Variants in BAIAP2L1 observed in about 807,000 individuals in gnomAD.
The protein encoded by BAIAP2L1 is BAR/IMD domain-containing adapter protein 2-like 1.
In BAIAP2L1, 35 loss-of-function variants were observed where a neutral mutation model predicts 66.3. That is an observed-to-expected ratio of 0.53 (90% CI 0.40 to 0.70). BAIAP2L1 has a LOEUF of 0.70. BAIAP2L1 is among the 30% of genes least tolerant of loss of function. BAIAP2L1 has a pLI of 0.00. For synonymous variants in BAIAP2L1, 269 were observed against 248.7 expected (o/e 1.08, Z -0.77); for missense variants, 622 against 656.9 (o/e 0.95, Z 0.58).
In BAIAP2L1 at chr7:98,315,625, A is replaced by AAAT. The variant is rs35160105; in HGVS notation, c.487-16_487-14dup. The AAAT allele has an allele frequency of 8.0e-5, 91 of 1,131,206 alleles. 1 individual carries two copies. The highest frequency in any genetic ancestry group is 2.6e-4 in the Admixed American group (8 of 30,800). 70.1% of individuals were successfully genotyped at this position (1,131,206 alleles called of 1,614,324 possible). A position where few individuals can be genotyped will look rare whatever the true frequency, so the allele number is the denominator to read the frequency against. On this transcript the variant is annotated splice_polypyrimidine_tract_variant and intron_variant, in intron 6 of 13. Transcript: ENST00000005260. ...CGGTCTCCACATACTAAAAAAAAAA[A>AAAT]AATAATAATAATAATAATTATATAA...
chr7:98,335,177 AAAT>A (rs1187755319), intron 3 of BAIAP2L1, among the ~76,000 whole-genome samples: 1,763 of 67,042 alleles, frequency 0.026, 107 homozygotes, highest in Middle Eastern at 0.044. Flanking sequence ...AAAAAAAAAA[AAAT>A]TTATCTCCCA....
intron 7 of BAIAP2L1, among the ~76,000 whole-genome samples, chr7:98,314,569 G>C (rs536857248): frequency 1.3e-5 from 2 of 152,298 alleles, no homozygotes; most frequent in African/African-American, 4.8e-5. Context: ...CTGGGGGTTC[G>C]AACCTCACAG....
chr7:98,321,161 C>T (rs1359722570), intron 3 of BAIAP2L1, among the ~76,000 whole-genome samples: 6 of 152,178 alleles, frequency 3.9e-5, no homozygotes, highest in South Asian at 2.1e-4. Context: ...ACCTGGCCCA[C>T]GTGGCCCTTT....
chr7:98,384,678 G>A (rs1019831899), intron 1 of BAIAP2L1, among the ~76,000 whole-genome samples: 1 of 142,826 alleles, frequency 7.0e-6, no homozygotes, highest in Non-Finnish European at 1.5e-5. Flanking sequence ...GACTCTGTGA[G>A]ACAGATCATT....
chr7:98,356,972 G>C (rs1232866825), intron 2 of BAIAP2L1, among the ~76,000 whole-genome samples: 2 of 109,050 alleles, frequency 1.8e-5, no homozygotes, highest in Non-Finnish European at 3.4e-5. Flanking sequence ...CTCCAGCGTG[G>C]GCAAGAGTGA....
chr7:98,346,602 T>G (rs1801876951), intron 3 of BAIAP2L1, among the ~76,000 whole-genome samples: 1 of 152,194 alleles, frequency 6.6e-6, no homozygotes, highest in African/African-American at 2.4e-5. Flanking sequence ...CTTATGCGAC[T>G]AGATACCAAG....
At chr7:98,360,926 C>G (rs908001023) in intron 2 of BAIAP2L1, among the ~76,000 whole-genome samples, 3 of 152,192 alleles carry the variant, frequency 2.0e-5, no homozygotes, top group African/African-American at 7.2e-5. Flanking sequence ...CCAGCGACTA[C>G]ACACAATGGT....
chr7:98,292,291 G>A lies in BAIAP2L1; in HGVS notation c.*1230C>T, dbSNP rs1187268785. On this transcript the variant is annotated 3_prime_UTR_variant, in exon 14 of 14. Coordinates refer to ENST00000005260, the MANE Select transcript of BAIAP2L1 (RefSeq NM_018842.5). ...GGGCTGGAGTGCAGCAGCATGATCT[G>A]GCTCACTGCAACCTCTGCCTCCCGG... 5 of 315,986 alleles carry A rather than the reference G, an allele frequency of 1.6e-5. No homozygotes were observed. Among genetic ancestry groups the A allele is most frequent in the Non-Finnish European group, 2.4e-5 (4 of 163,978 alleles). The allele number at this position is 315,986 out of a possible 1,614,324, so 19.6% of individuals were successfully genotyped here. A position where few individuals can be genotyped will look rare whatever the true frequency, so the allele number is the denominator to read the frequency against.
At chr7:98,394,343 A>C (rs1803149864) in intron 1 of BAIAP2L1, among the ~76,000 whole-genome samples, 1 of 152,178 alleles carries the variant, frequency 6.6e-6, no homozygotes, top group African/African-American at 2.4e-5. Flanking sequence ...ACTTCAGTTT[A>C]TGTCTTCCTC....
chr7:98,292,712 A>C lies in BAIAP2L1; in HGVS notation c.*809T>G. The stretch of plus-strand genomic sequence containing the variant: ...CTGATTCAAACACGGAGAAACCAGG[A>C]CCCCGAGCAGTTTGAGTGTACTGGT... On this transcript the variant is annotated 3_prime_UTR_variant, in exon 14 of 14. Coordinates refer to ENST00000005260, the MANE Select transcript of BAIAP2L1 (RefSeq NM_018842.5). 6.4e-7 allele frequency: 1 copy of C among 1,551,512 alleles called. No individual in the cohort carries two copies.
At chr7:98,344,402 T>A (rs957461560) in intron 3 of BAIAP2L1, among the ~76,000 whole-genome samples, 2 of 152,230 alleles carry the variant, frequency 1.3e-5, no homozygotes, top group Non-Finnish European at 2.9e-5. Flanking sequence ...TATTTTTCTA[T>A]CACTTTCAAA....
chr7:98,366,879 T>TC (rs1802399379), intron 1 of BAIAP2L1, among the ~76,000 whole-genome samples: 1 of 152,098 alleles, frequency 6.6e-6, no homozygotes, highest in East Asian at 1.9e-4. Flanking sequence ...CTCCATCCCT[T>TC]CTTCCCTCCT....
At chr7:98,356,834 A>G (rs13307593) in intron 2 of BAIAP2L1, among the ~76,000 whole-genome samples, 55,071 of 144,848 alleles carry the variant, frequency 0.38, 12,005 homozygotes, top group Middle Eastern at 0.54. Flanking sequence ...ACAAACAAAA[A>G]AAACTAGCCA....
At chr7:98,391,091 C>T (rs1465183299) in intron 1 of BAIAP2L1, among the ~76,000 whole-genome samples, 2 of 151,614 alleles carry the variant, frequency 1.3e-5, no homozygotes, top group Non-Finnish European at 2.9e-5. Context: ...ATCTGCCCGC[C>T]TCGGCCTCCC....
chr7:98,339,527 A>AC (rs1368833168), intron 3 of BAIAP2L1, among the ~76,000 whole-genome samples: 2 of 151,796 alleles, frequency 1.3e-5, no homozygotes, highest in East Asian at 3.9e-4. Context: ...GAAGACTCTA[A>AC]CCCCCCACCA....
At chr7:98,347,501 C>A (rs543193887) in intron 3 of BAIAP2L1, among the ~76,000 whole-genome samples, 8 of 152,106 alleles carry the variant, frequency 5.3e-5, no homozygotes, top group Non-Finnish European at 1.2e-4. Flanking sequence ...AAAGGCCAGG[C>A]GCAGTGGCTC....
chr7:98,309,533 A>T (rs1800794970), intron 9 of BAIAP2L1: 1 of 152,194 alleles, frequency 6.6e-6, no homozygotes, highest in Non-Finnish European at 1.5e-5. Flanking sequence ...AGTATTACAT[A>T]CTTTAACTGT....
At chr7:98,382,521 C>A (rs1802782940) in intron 1 of BAIAP2L1, among the ~76,000 whole-genome samples, 1 of 152,114 alleles carries the variant, frequency 6.6e-6, no homozygotes, top group Non-Finnish European at 1.5e-5. Flanking sequence ...AAATTTCATT[C>A]TATTTTAATT....
In BAIAP2L1 at chr7:98,389,124, T is replaced by C. The variant is rs544745671; in HGVS notation, c.51+11678A>G. On this transcript the variant is annotated intron_variant, in intron 1 of 13. Coordinates refer to ENST00000005260, the MANE Select transcript of BAIAP2L1 (RefSeq NM_018842.5). ...GGTCTATTAACTAAGACTCAGGCAATTGTGTCAGACAGGCATGTGAAGGTG... is the reference window on the plus strand; with the variant it reads ...GGTCTATTAACTAAGACTCAGGCAACTGTGTCAGACAGGCATGTGAAGGTG... Among the ~76,000 whole-genome samples the C allele has an allele frequency of 9.9e-5, 15 of 152,086 alleles. 1 individual carries two copies. The East Asian group carries it at 2.9e-3, about 30-fold the overall frequency.
Sources: allele counts gnomAD v4.1 joint callset (sites outside exome capture counted in the v4.1 genomes callset), GRCh38; gene constraint gnomAD v4.1.1; transcripts MANE v1.5; gene names NCBI Gene and HGNC (gene_info 2026-07-23, HGNC 2026-07-21).